GRIK3: variants seen among roughly 807,000 people sequenced by gnomAD.
GRIK3 encodes glutamate receptor ionotropic, kainate 3.
GRIK3 carries 29 observed loss-of-function variants against 102.5 expected under a neutral mutation model. The ratio of observed to expected loss-of-function variants is 0.28; its 90% CI spans 0.21 to 0.39. GRIK3 has a LOEUF of 0.39. Among genes scored for constraint, GRIK3 ranks in the 10% least tolerant of loss-of-function variants. The pLI is 1.00. For synonymous variants in GRIK3, 511 were observed against 504.9 expected (o/e 1.01, Z -0.16); for missense variants, 908 against 1,252.4 (o/e 0.73, Z 4.15).
Position 36,805,179 on chromosome 1 carries a change from C to T in GRIK3, c.2373G>A (p.Lys791=). Reference sequence around the variant, plus strand: ...ACCACTTCTCCTTCATGATATGCAGCTTGTCCTCCTCCTGAAGCTGCAGGA... The same window carrying T: ...ACCACTTCTCCTTCATGATATGCAGTTTGTCCTCCTCCTGAAGCTGCAGGA... ...IAILQLQEED[K]LHIMKEKWWR... The change falls in exon 15 of 16, where the codon AAG becomes AAA. Residue 791 remains lysine, a synonymous_variant. Transcript: ENST00000373091. The T allele has an allele frequency of 1.2e-6, 2 of 1,614,180 alleles. No homozygotes were observed. Among genetic ancestry groups the T allele is most frequent in the Non-Finnish European group, 1.7e-6 (2 of 1,180,012 alleles).
chr1:36,947,224 C>G (rs559251420), intron 1 of GRIK3, among the ~76,000 whole-genome samples: 1 of 152,198 alleles, frequency 6.6e-6, no homozygotes, highest in East Asian at 1.9e-4. Flanking sequence ...CCCTCACATG[C>G]CTTTGTTTCA....
chr1:36,879,624 A>G lies in GRIK3; in HGVS notation c.550+1010T>C, dbSNP rs1206059420. 2.0e-5 allele frequency among the ~76,000 whole-genome samples: 3 copies of G among 152,272 alleles called. No individual in the cohort carries two copies. The East Asian group carries it at 5.8e-4, about 29-fold the overall frequency. On this transcript the variant is annotated intron_variant, in intron 3 of 15. Transcript: ENST00000373091. ...CCTCTCTAAGGGCCTGGGACTTGAG[A>G]GGCAGGGGGTATCACATTGGAGCAA...
chr1:36,982,389 A>AC (rs1336417144), intron 1 of GRIK3, among the ~76,000 whole-genome samples: 1 of 152,140 alleles, frequency 6.6e-6, no homozygotes, highest in African/African-American at 2.4e-5. Flanking sequence ...AGCTGGGAGG[A>AC]CACGAGTCCT....
At chr1:36,867,805 C>G (rs1186683847) in intron 5 of GRIK3, among the ~76,000 whole-genome samples, 4 of 152,286 alleles carry the variant, frequency 2.6e-5, no homozygotes, top group African/African-American at 9.6e-5. Flanking sequence ...TGATTAAACC[C>G]CCTCTGGGCC....
chr1:36,905,285 C>G (rs1234328484), intron 1 of GRIK3, among the ~76,000 whole-genome samples: 1 of 152,036 alleles, frequency 6.6e-6, no homozygotes, highest in Non-Finnish European at 1.5e-5. Context: ...AGGGATGGCT[C>G]AATATTGTAA....
chr1:36,989,511 G>A (rs915433318), intron 1 of GRIK3, among the ~76,000 whole-genome samples: 9 of 152,242 alleles, frequency 5.9e-5, no homozygotes, highest in Admixed American at 4.6e-4. Flanking sequence ...CCTGATTGCC[G>A]CCAAGCGCTC....
chr1:37,016,964 C>T (rs1477663320), intron 1 of GRIK3, among the ~76,000 whole-genome samples: 5 of 152,028 alleles, frequency 3.3e-5, no homozygotes, highest in African/African-American at 1.2e-4. Context: ...CCTGTAATCC[C>T]AGCACTTTGG....
At chr1:36,927,639 A>G (rs1299935539) in intron 1 of GRIK3, among the ~76,000 whole-genome samples, 1 of 152,146 alleles carries the variant, frequency 6.6e-6, no homozygotes, top group Non-Finnish European at 1.5e-5. Context: ...ATAGAGGGAA[A>G]AAAGAGGGAA....
intron 1 of GRIK3, among the ~76,000 whole-genome samples, chr1:37,021,245 G>A (rs1642711376): frequency 6.6e-6 from 1 of 151,904 alleles, no homozygotes. Flanking sequence ...CAAGGGACAT[G>A]ACACAAGTCA....
At chr1:36,917,905 C>G (rs1253832693) in intron 1 of GRIK3, among the ~76,000 whole-genome samples, 1 of 152,168 alleles carries the variant, frequency 6.6e-6, no homozygotes, top group Non-Finnish European at 1.5e-5. Context: ...CAGAAGGACT[C>G]ATACCCCCAC....
At chr1:36,978,615 CG>C (rs1283133802) in intron 1 of GRIK3, among the ~76,000 whole-genome samples, 3 of 152,046 alleles carry the variant, frequency 2.0e-5, no homozygotes, top group African/African-American at 2.4e-5. Context: ...CTGTGGTCTG[CG>C]GGGGTTAGCT....
intron 10 of GRIK3, 32 bp from the exon 11 acceptor site, chr1:36,825,858 A>T: frequency 6.8e-7 from 1 of 1,468,612 alleles, no homozygotes; most frequent in Non-Finnish European, 9.4e-7. Flanking sequence ...AAGACAGACT[A>T]TGAGCAAAGT....
At chr1:36,971,471 G>A (rs72670045) in intron 1 of GRIK3, among the ~76,000 whole-genome samples, 204 of 152,296 alleles carry the variant, frequency 1.3e-3, no homozygotes, top group Middle Eastern at 3.4e-3. Flanking sequence ...CTGAGGGCCT[G>A]CTAATTCCCT....
intron 1 of GRIK3, among the ~76,000 whole-genome samples, chr1:36,940,796 C>T (rs1641711755): frequency 6.6e-6 from 1 of 152,228 alleles, no homozygotes; most frequent in Admixed American, 6.5e-5. Flanking sequence ...AGCTCACACT[C>T]ATGGCACTAG....
intron 1 of GRIK3, among the ~76,000 whole-genome samples, chr1:36,965,801 A>G (rs2124352774): frequency 6.6e-6 from 1 of 152,292 alleles, no homozygotes; most frequent in South Asian, 2.1e-4. Context: ...TTAAGCAAAA[A>G]TACTATTTGT....
At chr1:36,928,853 A>G (rs1265508201) in intron 1 of GRIK3, among the ~76,000 whole-genome samples, 1 of 152,238 alleles carries the variant, frequency 6.6e-6, no homozygotes, top group Non-Finnish European at 1.5e-5. Flanking sequence ...TCAAGGAAGG[A>G]GAACTAGGGG....
At chr1:37,005,879 G>C (rs1330928714) in intron 1 of GRIK3, among the ~76,000 whole-genome samples, 1 of 152,196 alleles carries the variant, frequency 6.6e-6, no homozygotes, top group Non-Finnish European at 1.5e-5. Context: ...ATGGGGGCCA[G>C]ATTGTGGAAG....
At chr1:36,852,401 G>A (rs902594813) in intron 8 of GRIK3, among the ~76,000 whole-genome samples, 1 of 152,220 alleles carries the variant, frequency 6.6e-6, no homozygotes, top group Non-Finnish European at 1.5e-5. Flanking sequence ...ATGGCCTGGA[G>A]GTCCAGGAGG....
At chr1:36,919,195 A>G (rs1253644768) in intron 1 of GRIK3, among the ~76,000 whole-genome samples, 1 of 152,166 alleles carries the variant, frequency 6.6e-6, no homozygotes, top group Non-Finnish European at 1.5e-5. Context: ...TGAAGAAGGA[A>G]AGTGTCAAAT....
Sources: gnomAD v4.1 joint callset for allele counts (sites outside exome capture counted in the v4.1 genomes callset) on GRCh38, gnomAD v4.1.1 for gene constraint, MANE v1.5 for transcripts, NCBI Gene and HGNC (gene_info 2026-07-23, HGNC 2026-07-21) for gene names.